Variants in FSIP1 observed in about 807,000 individuals in gnomAD.
FSIP1 encodes fibrous sheath interacting protein 1.
FSIP1 carries 65 observed loss-of-function variants against 60.9 expected under a neutral mutation model. The ratio of observed to expected loss-of-function variants is 1.07; its 90% CI spans 0.87 to 1.31. The LOEUF (loss-of-function observed/expected upper bound fraction) is 1.31, where lower values mean the gene tolerates loss of function less well. Among genes scored for constraint, FSIP1 ranks in the 40% most tolerant of loss-of-function variants. The probability of loss-of-function intolerance (pLI) is 0.00; values close to 1 mark genes in which losing one functional copy is unlikely to be tolerated. For synonymous variants in FSIP1, 209 were observed against 221.2 expected (o/e 0.94, Z 0.49); for missense variants, 675 against 665.5 (o/e 1.01, Z -0.16).
intron 10 of FSIP1, among the ~76,000 whole-genome samples, chr15:39,694,617 A>G (rs961946343): frequency 1.3e-5 from 2 of 152,024 alleles, no homozygotes; most frequent in Non-Finnish European, 2.9e-5. Context: ...CCTGGCCAAC[A>G]TGGGGAACGC....
chr15:39,702,313 G>A (rs72727036), intron 10 of FSIP1, among the ~76,000 whole-genome samples: 2,035 of 144,030 alleles, frequency 0.014, 24 homozygotes, highest in Non-Finnish European at 0.022. Flanking sequence ...CAGATACCAC[G>A]GGGACCAATG....
At chr15:39,603,112 A>G (rs1890699979) in intron 11 of FSIP1, among the ~76,000 whole-genome samples, 1 of 152,248 alleles carries the variant, frequency 6.6e-6, no homozygotes, top group Admixed American at 6.5e-5. Context: ...TCAAATGTCC[A>G]ACTCAAAATG....
intron 10 of FSIP1, among the ~76,000 whole-genome samples, chr15:39,632,864 A>G (rs1891959419): frequency 6.6e-6 from 1 of 152,118 alleles, no homozygotes; most frequent in Admixed American, 6.5e-5. Flanking sequence ...CTTTTAATCT[A>G]ATTTCAAATT....
chr15:39,652,808 T>A (rs1892926465), intron 10 of FSIP1, among the ~76,000 whole-genome samples: 1 of 152,224 alleles, frequency 6.6e-6, no homozygotes, highest in Non-Finnish European at 1.5e-5. Flanking sequence ...CATTGATTAC[T>A]GTAGGAAATT....
In FSIP1 at chr15:39,771,974, C is replaced by T. The variant is rs138448144; in HGVS notation, c.127-1364G>A. 8.9e-3 allele frequency among the ~76,000 whole-genome samples: 1,354 copies of T among 152,280 alleles called. 22 individuals are homozygous for T. The highest frequency in any genetic ancestry group is 0.03 in the African/African-American group (1,267 of 41,550). On this transcript the variant is annotated intron_variant, in intron 2 of 11. Coordinates refer to ENST00000350221, the MANE Select transcript of FSIP1 (RefSeq NM_152597.5). The stretch of plus-strand genomic sequence containing the variant: ...GACCTTCCTCTGCGGCTGGGTTTCA[C>T]ATGGGGGAATAAAGAATATACAAAA...
At chr15:39,766,163 GC>G (rs1223537549) in intron 3 of FSIP1, among the ~76,000 whole-genome samples, 3 of 152,172 alleles carry the variant, frequency 2.0e-5, no homozygotes, top group Admixed American at 6.5e-5. Flanking sequence ...GAAAGAGAAG[GC>G]GTGTACACAA....
At chr15:39,689,881 G>A (rs753513969) in intron 10 of FSIP1, among the ~76,000 whole-genome samples, 7 of 152,072 alleles carry the variant, frequency 4.6e-5, no homozygotes, top group South Asian at 2.1e-4. Context: ...CTTCTGATAC[G>A]GCTTTTCTTG....
At chr15:39,643,270 T>C (rs1346657058) in intron 10 of FSIP1, among the ~76,000 whole-genome samples, 1 of 152,228 alleles carries the variant, frequency 6.6e-6, no homozygotes, top group Non-Finnish European at 1.5e-5. Context: ...AAAAGATGAG[T>C]AGACAAGAAT....
Position 39,649,906 on chromosome 15 carries a change from T to C in FSIP1, c.1189-31661A>G, listed in dbSNP as rs534956602. On this transcript the variant is annotated intron_variant, in intron 10 of 11. Coordinates refer to ENST00000350221, the MANE Select transcript of FSIP1 (RefSeq NM_152597.5). Reference sequence around the variant, plus strand: ...ACATACCTACTCAGTAAACACTTATTGAGTGCCAGCTGAGTGTCAGGCCTC... The same window carrying C: ...ACATACCTACTCAGTAAACACTTATCGAGTGCCAGCTGAGTGTCAGGCCTC... Among the ~76,000 whole-genome samples, 62 of 152,346 alleles carry C rather than the reference T, an allele frequency of 4.1e-4. 2 individuals are homozygous for C. The highest frequency in any genetic ancestry group is 4.0e-3 in the Admixed American group (61 of 15,300).
At chr15:39,726,970 T>TATTA (rs1439268824) in intron 8 of FSIP1, among the ~76,000 whole-genome samples, 1 of 152,226 alleles carries the variant, frequency 6.6e-6, no homozygotes, top group Admixed American at 6.5e-5. Context: ...TATCCTCTAA[T>TATTA]ATTTTAAGGG....
chr15:39,693,983 T>C (rs181299806), intron 10 of FSIP1, among the ~76,000 whole-genome samples: 6 of 152,232 alleles, frequency 3.9e-5, no homozygotes, highest in African/African-American at 1.2e-4. Flanking sequence ...GATATATATT[T>C]ATCAGCTTGA....
chr15:39,634,112 T>C (rs1468523911), intron 10 of FSIP1, among the ~76,000 whole-genome samples: 1 of 152,150 alleles, frequency 6.6e-6, no homozygotes, highest in Non-Finnish European at 1.5e-5. Context: ...TCTTGCCTAC[T>C]CAAGGTCATC....
chr15:39,675,214 ATATTGC>A (rs1893890994), intron 10 of FSIP1, among the ~76,000 whole-genome samples: 2 of 152,200 alleles, frequency 1.3e-5, no homozygotes, highest in South Asian at 4.1e-4. Flanking sequence ...GATTTCTTAA[ATATTGC>A]TGGTAGGAAT....
intron 1 of FSIP1, among the ~76,000 whole-genome samples, chr15:39,781,014 T>G (rs946580719): frequency 2.0e-5 from 3 of 152,324 alleles, no homozygotes; most frequent in African/African-American, 7.2e-5. Context: ...AATTTAAAAC[T>G]TGTAGTCTTC....
intron 10 of FSIP1, among the ~76,000 whole-genome samples, chr15:39,667,667 G>A (rs914493387): frequency 6.6e-6 from 1 of 152,126 alleles, no homozygotes; most frequent in African/African-American, 2.4e-5. Flanking sequence ...CAGTCTTAGC[G>A]GGAGAGTGAG....
intron 10 of FSIP1, among the ~76,000 whole-genome samples, chr15:39,622,333 A>AT (rs1891469905): frequency 1.3e-5 from 2 of 152,200 alleles, no homozygotes; most frequent in African/African-American, 4.8e-5. Flanking sequence ...TTCACTCTGT[A>AT]TATGAAAGCC....
rs570225657 is a variant in FSIP1 at position 39,737,181 on chromosome 15, T to C, written c.891+910A>G. 7.9e-5 allele frequency among the ~76,000 whole-genome samples: 12 copies of C among 152,304 alleles called. No individual in the cohort carries two copies. The South Asian group carries it at 2.5e-3, about 32-fold the overall frequency. The stretch of plus-strand genomic sequence containing the variant: ...AGCAAAGGATATTTCTCAAGTTTAG[T>C]ATGTAAACAAGTGCAAACATTGGGC... On this transcript the variant is annotated intron_variant, in intron 8 of 11. Coordinates refer to ENST00000350221, the MANE Select transcript of FSIP1 (RefSeq NM_152597.5).
intron 10 of FSIP1, among the ~76,000 whole-genome samples, chr15:39,688,272 A>G (rs115580046): frequency 1.5e-3 from 236 of 152,354 alleles, no homozygotes; most frequent in African/African-American, 5.5e-3. Context: ...TTGTAAGTTG[A>G]AAATACAGTA....
At chr15:39,615,552 A>G (rs1273879628) in intron 11 of FSIP1, among the ~76,000 whole-genome samples, 1 of 152,090 alleles carries the variant, frequency 6.6e-6, no homozygotes, top group African/African-American at 2.4e-5. Flanking sequence ...ATTAAAATCA[A>G]AACGAGATGC....
Sources: gnomAD v4.1 joint callset for allele counts (sites outside exome capture counted in the v4.1 genomes callset) on GRCh38, gnomAD v4.1.1 for gene constraint, MANE v1.5 for transcripts, NCBI Gene and HGNC (gene_info 2026-07-23, HGNC 2026-07-21) for gene names.